The following NNT variants were observed in gnomAD, a reference collection of about 807,000 sequenced individuals.
NNT encodes the protein nicotinamide nucleotide transhydrogenase, also known as NAD(P) transhydrogenase, mitochondrial.
Under a neutral mutation model 104.8 loss-of-function variants are expected in NNT, and 50 were observed. The observed-to-expected ratio is 0.48, with a 90% CI of 0.38 to 0.60. The LOEUF is 0.60. Ranked by LOEUF, NNT falls within the 20% of genes least tolerant of loss-of-function variation. NNT has a pLI of 0.00. For missense variants in NNT, 1,131 were observed against 1,330.7 expected (o/e 0.85, Z 2.33); for synonymous variants, 461 against 490.4 (o/e 0.94, Z 0.79).
rs1283904112 is a variant in NNT at position 43,675,620 on chromosome 5, A to G, written c.2744A>G (p.Asp915Gly). 3 of 1,612,228 alleles carry G rather than the reference A, an allele frequency of 1.9e-6. No homozygotes were observed. Among genetic ancestry groups the G allele is most frequent in the Non-Finnish European group, 2.5e-6 (3 of 1,179,352 alleles). The change falls in exon 18 of 22, where the codon GAC becomes GGC. Residue 915 changes from aspartate to glycine, a missense_variant. By Grantham distance (94) the Asp-to-Gly change is moderately conservative. Coordinates refer to ENST00000344920, the MANE Select transcript of NNT (RefSeq NM_182977.3). ...ISGTHTEINL[D>G]NAIDMIREAN... ...GGCACACATACGGAAATCAACCTTG[A>G]CAATGCAATTGACATGATTCGAGAA...
At chr5:43,603,998 G>A (rs1021693799) in intron 1 of NNT, among the ~76,000 whole-genome samples, 21 of 152,196 alleles carry the variant, frequency 1.4e-4, no homozygotes, top group African/African-American at 4.8e-4. Flanking sequence ...TCCTAGGGAG[G>A]TTATAAATAG....
intron 5 of NNT, among the ~76,000 whole-genome samples, chr5:43,619,628 G>A (rs1749964284): frequency 6.6e-6 from 1 of 152,178 alleles, no homozygotes; most frequent in African/African-American, 2.4e-5. Flanking sequence ...AGCAGTTAAC[G>A]ATGAGAGGTG....
intron 20 of NNT, among the ~76,000 whole-genome samples, chr5:43,700,447 T>A (rs780207077): frequency 6.6e-6 from 1 of 152,212 alleles, no homozygotes; most frequent in Non-Finnish European, 1.5e-5. Context: ...TAAATTTTTC[T>A]CCTCCGTGAA....
intron 19 of NNT, among the ~76,000 whole-genome samples, chr5:43,690,205 A>G (rs1247450710): frequency 6.6e-6 from 1 of 152,188 alleles, no homozygotes; most frequent in African/African-American, 2.4e-5. Flanking sequence ...ACAATCCAGA[A>G]GGAATTAAGC....
At chr5:43,696,456 C>T (rs899439648) in intron 19 of NNT, among the ~76,000 whole-genome samples, 3 of 152,182 alleles carry the variant, frequency 2.0e-5, no homozygotes, top group Non-Finnish European at 4.4e-5. Flanking sequence ...TGAGTTTCTG[C>T]AGATTTTTCC....
chr5:43,680,143 A>T (rs1272140315), intron 19 of NNT, among the ~76,000 whole-genome samples: 1 of 151,770 alleles, frequency 6.6e-6, no homozygotes, highest in African/African-American at 2.4e-5. Context: ...TTCTGTGTGA[A>T]TTTTTTTTAT....
chr5:43,686,009 G>A (rs529473272), intron 19 of NNT, among the ~76,000 whole-genome samples: 5 of 152,130 alleles, frequency 3.3e-5, no homozygotes, highest in African/African-American at 4.8e-5. Flanking sequence ...CTCAGTATTC[G>A]TGAATAGTTC....
At chr5:43,662,221 T>C (rs982177223) in intron 17 of NNT, among the ~76,000 whole-genome samples, 1 of 152,196 alleles carries the variant, frequency 6.6e-6, no homozygotes, top group African/African-American at 2.4e-5. Flanking sequence ...TTTTTCCTTC[T>C]TCACTTAGTG....
At chr5:43,652,518 G>T (rs972898914) in intron 13 of NNT, among the ~76,000 whole-genome samples, 6 of 151,076 alleles carry the variant, frequency 4.0e-5, no homozygotes, top group Admixed American at 2.0e-4. Context: ...AGTATTTATT[G>T]AATGAACAAT....
chr5:43,644,740 GTGAAAGATGACTT>G lies in NNT; in HGVS notation c.1232_1244del (p.Lys411ThrfsTer13). ...GGACAAAGATAATTTTTATTTTGATGTGAAAGATGACTTTGACTTTGGTACGATGGGTCATGTC... is the reference window on the plus strand; with the variant it reads ...GGACAAAGATAATTTTTATTTTGATGTGACTTTGGTACGATGGGTCATGTC... On this transcript the variant is annotated frameshift_variant, in exon 9 of 22. Transcript: ENST00000344920. LOFTEE classifies it high-confidence loss of function. 6.2e-7 allele frequency: 1 copy of G among 1,614,170 alleles called. No individual in the cohort carries two copies. Among genetic ancestry groups the G allele is most frequent in the Non-Finnish European group, 8.5e-7 (1 of 1,180,012 alleles).
intron 7 of NNT, 43 bp downstream of exon 7, chr5:43,628,430 CTT>C (rs746378706): frequency 1.1e-5 from 15 of 1,394,560 alleles, no homozygotes; most frequent in Non-Finnish European, 1.4e-5. Context: ...CACTTTTACT[CTT>C]TTTTTTTAAA....
Position 43,651,802 on chromosome 5 carries a change from A to G in NNT, c.1781A>G (p.Tyr594Cys). 1 of 1,614,178 alleles carries G rather than the reference A, an allele frequency of 6.2e-7. No individual in the cohort carries two copies. Among genetic ancestry groups the G allele is most frequent in the Non-Finnish European group, 8.5e-7 (1 of 1,180,022 alleles). Residue 594 changes from tyrosine to cysteine, a missense_variant, in exon 13 of 22, where the codon TAC (tyrosine) becomes TGC (cysteine). Tyr to Cys is a radical substitution (Grantham distance 194). Transcript: ENST00000344920. ...MFKRPTDPPE[Y>C]NYLYLLPAGT... is the part of the protein sequence containing the mutation. ...AAGCGTCCCACTGACCCCCCAGAAT[A>G]CAACTACCTGTACCTGCTCCCTGCC... is the stretch of plus-strand genomic sequence containing the variant.
At chr5:43,652,242 T>G (rs569513876) in intron 13 of NNT, among the ~76,000 whole-genome samples, 5 of 152,224 alleles carry the variant, frequency 3.3e-5, no homozygotes, top group Non-Finnish European at 7.3e-5. Context: ...AAATTATTAT[T>G]AAGTACTATT....
At position 43,651,989 on chromosome 5, in the gene NNT, C is replaced by T. The variant is rs1285690426; in HGVS notation, c.1863+105C>T. 6.5e-6 allele frequency: 8 copies of T among 1,224,812 alleles called. No individual in the cohort carries two copies. In the African/African-American group the frequency reaches 1.1e-4, roughly 16 times the overall value. The allele number at this position is 1,224,812 out of a possible 1,614,324, so 75.9% of individuals were successfully genotyped here. The stretch of plus-strand genomic sequence containing the variant: ...TTCAAAGTATCGAGCAAATACAACT[C>T]TGTCAAGCAAATACAACAATAACCC... On this transcript the variant is annotated intron_variant, in intron 13 of 21. Coordinates refer to ENST00000344920, the MANE Select transcript of NNT (RefSeq NM_182977.3).
At chr5:43,644,419 C>T in intron 8 of NNT, 94 bp downstream of exon 8, 1 of 1,472,940 alleles carries the variant, frequency 6.8e-7, no homozygotes. Flanking sequence ...GACATTAAGG[C>T]TTGAAATTTT....
At chr5:43,642,404 A>G (rs1751285810) in intron 7 of NNT, among the ~76,000 whole-genome samples, 1 of 152,220 alleles carries the variant, frequency 6.6e-6, no homozygotes, top group African/African-American at 2.4e-5. Context: ...AGTAAAGTTT[A>G]GTTAAGTATT....
At chr5:43,632,864 A>G (rs1297704862) in intron 7 of NNT, among the ~76,000 whole-genome samples, 2 of 152,204 alleles carry the variant, frequency 1.3e-5, no homozygotes, top group Non-Finnish European at 2.9e-5. Flanking sequence ...TTTCATAGAC[A>G]TAGAATAGTT....
chr5:43,608,071 C>T (rs185033911), intron 1 of NNT, among the ~76,000 whole-genome samples: 1 of 152,212 alleles, frequency 6.6e-6, no homozygotes, highest in Admixed American at 6.5e-5. Flanking sequence ...GCCAGGATTA[C>T]AGGTGCCAGC....
At chr5:43,654,690 C>T (rs760184879) in intron 14 of NNT, among the ~76,000 whole-genome samples, 11 of 152,312 alleles carry the variant, frequency 7.2e-5, no homozygotes, top group Non-Finnish European at 1.2e-4. Flanking sequence ...CAGTAAAGAG[C>T]ACTATTTCTT....
Sources: gnomAD v4.1 joint callset for allele counts (sites outside exome capture counted in the v4.1 genomes callset) on GRCh38, gnomAD v4.1.1 for gene constraint, MANE v1.5 for transcripts, NCBI Gene and HGNC (gene_info 2026-07-23, HGNC 2026-07-21) for gene names.